The following CCNA1 variants were observed in gnomAD, a reference collection of about 807,000 sequenced individuals.
CCNA1 encodes cyclin A1.
A neutral mutation model predicts 54.1 loss-of-function variants in CCNA1; 23 were observed. The observed-to-expected ratio is 0.42, with a 90% confidence interval of 0.31 to 0.60. The LOEUF (loss-of-function observed/expected upper bound fraction) is 0.60, where lower values mean the gene tolerates loss of function less well. Ranked by LOEUF, CCNA1 falls within the 20% of genes least tolerant of loss-of-function variation. CCNA1 has a pLI of 0.14. For synonymous variants in CCNA1, 208 were observed against 213.9 expected, an observed-to-expected ratio of 0.97 and a Z score of 0.24; for missense variants, 450 against 556.7, an observed-to-expected ratio of 0.81 and a Z score of 1.93.
chr13:36,432,968 T>A, intron 1 of CCNA1, 65 bp from the exon 2 acceptor site: 1 of 1,474,856 alleles, frequency 6.8e-7, no homozygotes, highest in Non-Finnish European at 9.3e-7. Flanking sequence ...AGGTTCGCTG[T>A]GTCCTTGGAG....
rs951643866 is a variant in CCNA1, at chr13:36,432,564, T to G, written c.-58T>G. On this transcript the variant is annotated 5_prime_UTR_variant, in exon 1 of 9. Coordinates refer to ENST00000255465, the MANE Select transcript of CCNA1 (RefSeq NM_003914.4). ...CCCGCTTTGGGGTCCAGGCAGGTTTTGGGGCCTCCTGTCTGGTGGGAGGAG... is the reference window on the plus strand; with the variant it reads ...CCCGCTTTGGGGTCCAGGCAGGTTTGGGGGCCTCCTGTCTGGTGGGAGGAG... 3.6e-6 allele frequency: 4 copies of G among 1,098,878 alleles called. No individual in the cohort carries two copies. The South Asian group carries it at 4.7e-5, about 13-fold the overall frequency. The allele number at this position is 1,098,878 out of a possible 1,614,324, so 68.1% of individuals were successfully genotyped here. A position where few individuals can be genotyped will look rare whatever the true frequency, so the allele number is the denominator to read the frequency against.
chr13:36,432,914 C>T lies in CCNA1; in HGVS notation c.109-119C>T, dbSNP rs1429563872. 1.1e-5 allele frequency: 11 copies of T among 1,043,180 alleles called. No individual in the cohort carries two copies. In the Admixed American group the frequency reaches 2.0e-4, roughly 19 times the overall value. The allele number at this position is 1,043,180 out of a possible 1,614,324, so 64.6% of individuals were successfully genotyped here. On this transcript the variant is annotated intron_variant, in intron 1 of 8. Coordinates refer to ENST00000255465, the MANE Select transcript of CCNA1 (RefSeq NM_003914.4). ...CAGCCCCAATAATTACTGGGAAGAT[C>T]AGCAATTGGTGTTAGTCCCATTGCT...
intron 2 of CCNA1, among the ~76,000 whole-genome samples, chr13:36,433,468 TC>T (rs2055759955): frequency 6.8e-6 from 1 of 146,080 alleles, no homozygotes; most frequent in African/African-American, 2.5e-5. Context: ...CTTTTCTTTC[TC>T]TTTCTTTCCT....
intron 4 of CCNA1, 60 bp from the exon 5 acceptor site, chr13:36,438,584 A>G: frequency 8.4e-7 from 1 of 1,189,140 alleles, no homozygotes; most frequent in Non-Finnish European, 1.2e-6. Context: ...TAGCAACTAT[A>G]TTGTGGAATG....
At chr13:36,439,940 G>A (rs1024735115) in intron 5 of CCNA1, 39 bp from the exon 6 acceptor site, 5 of 1,438,410 alleles carry the variant, frequency 3.5e-6, no homozygotes, top group Non-Finnish European at 3.9e-6. Context: ...TAGAGCCAAA[G>A]GTTCTAAGTT....
Position 36,438,624 on chromosome 13 carries a change from CA to C in CCNA1, c.670-16del. On this transcript the variant is annotated intron_variant, in intron 4 of 8. Coordinates refer to ENST00000255465, the MANE Select transcript of CCNA1 (RefSeq NM_003914.4). ...TTCTGAAATTGCAACTACTAAATAT[CA>C]AAACCTTTTCCCAATCAGATAAGGC... The C allele has an allele frequency of 1.3e-6, 2 of 1,587,652 alleles. No homozygotes were observed. Among genetic ancestry groups the C allele is most frequent in the Non-Finnish European group, 1.7e-6 (2 of 1,158,270 alleles).
At chr13:36,439,886 T>C (rs1197203715) in intron 5 of CCNA1, 93 bp from the exon 6 acceptor site, 9 of 750,774 alleles carry the variant, frequency 1.2e-5, no homozygotes, top group Non-Finnish European at 2.0e-5. Context: ...AAAGTAAGTC[T>C]GCAAGGGCCA....
At chr13:36,437,034 AG>A (rs1380385636) in intron 2 of CCNA1, among the ~76,000 whole-genome samples, 5 of 152,228 alleles carry the variant, frequency 3.3e-5, no homozygotes, top group Non-Finnish European at 5.9e-5. Flanking sequence ...ATAGAGAAAA[AG>A]GAGAAGTGAC....
intron 2 of CCNA1, among the ~76,000 whole-genome samples, chr13:36,435,408 C>G (rs1352480147): frequency 6.6e-6 from 1 of 152,216 alleles, no homozygotes; most frequent in Non-Finnish European, 1.5e-5. Context: ...TTCTCTGTCT[C>G]TAGTTCTTTT....
Position 36,438,100 on chromosome 13 carries a change from C to G in CCNA1, c.578C>G (p.Ser193Cys), listed in dbSNP as rs747163107. The G allele has an allele frequency of 3.2e-5, 52 of 1,613,176 alleles. No homozygotes were observed. Among genetic ancestry groups the G allele is most frequent in the Non-Finnish European group, 4.3e-5 (51 of 1,179,210 alleles). Residue 193 changes from serine to cysteine, a missense_variant, in exon 4 of 9, where the codon TCC becomes TGC. This residue lies in a region of CCNA1 where 103 missense variants were observed against 92.9 expected (regional missense o/e 1.11). Coordinates refer to ENST00000255465, the MANE Select transcript of CCNA1 (RefSeq NM_003914.4). ...ATGCTGGTAGATTCATCTCTCCTCTCCCAGTCTGAAGATATATCCAGTCTT... is the reference window on the plus strand; with the variant it reads ...ATGCTGGTAGATTCATCTCTCCTCTGCCAGTCTGAAGATATATCCAGTCTT...
rs17188012 is a variant in CCNA1 at position 36,441,105 on chromosome 13, C to G, written c.1099-13C>G. 0.092 allele frequency: 131,338 copies of G among 1,429,530 alleles called. 6,781 individuals are homozygous for G. Among genetic ancestry groups the G allele is most frequent in the Non-Finnish European group, 0.11 (110,294 of 1,022,722 alleles). 88.6% of individuals were successfully genotyped at this position (1,429,530 alleles called of 1,614,324 possible). A position where few individuals can be genotyped will look rare whatever the true frequency, so the allele number is the denominator to read the frequency against. Reference sequence around the variant, plus strand: ...ATTTCTAATTCCAATGTGTTTTCTTCTCTTGTGCTTAGTACGTAGCAGAGC... The same window carrying G: ...ATTTCTAATTCCAATGTGTTTTCTTGTCTTGTGCTTAGTACGTAGCAGAGC... On this transcript the variant is annotated splice_polypyrimidine_tract_variant and intron_variant, in intron 6 of 8. Coordinates refer to ENST00000255465, the MANE Select transcript of CCNA1 (RefSeq NM_003914.4).
chr13:36,432,485 T>A (rs529946723), upstream of CCNA1: 11 of 445,320 alleles, frequency 2.5e-5, no homozygotes, highest in Non-Finnish European at 4.5e-5. Context: ...GATCCTCCAG[T>A]GCACTTGCCA....
intron 2 of CCNA1, among the ~76,000 whole-genome samples, chr13:36,433,600 A>G (rs1175139963): frequency 7.4e-6 from 1 of 134,544 alleles, no homozygotes; most frequent in African/African-American, 2.9e-5. Flanking sequence ...GAGTGCAGTG[A>G]CGCGATCTCG....
intron 5 of CCNA1, 118 bp from the exon 6 acceptor site, chr13:36,439,861 T>C (rs964055355): frequency 1.6e-6 from 1 of 640,434 alleles, no homozygotes; most frequent in South Asian, 1.9e-5. Context: ...GGTATTTAAG[T>C]GGATATGTGG....
chr13:36,438,899 A>G, intron 5 of CCNA1, 32 bp downstream of exon 5: 1 of 1,499,384 alleles, frequency 6.7e-7, no homozygotes, highest in Non-Finnish European at 9.3e-7. Context: ...ATAATATGAA[A>G]CTATCACTTG....
intron 7 of CCNA1, 109 bp downstream of exon 7, chr13:36,441,340 C>A (rs2055872321): frequency 3.2e-6 from 2 of 624,312 alleles, no homozygotes; most frequent in South Asian, 1.9e-5. Context: ...TGACAGCAGA[C>A]CACAACATGC....
At chr13:36,434,833 C>CG (rs79122701) in intron 2 of CCNA1, among the ~76,000 whole-genome samples, 23,981 of 148,952 alleles carry the variant, frequency 0.16, 2,276 homozygotes, top group Non-Finnish European at 0.19. Flanking sequence ...GGTGCCCCCC[C>CG]CCCCGCGCCA....
chr13:36,433,473 C>A (rs928565373), intron 2 of CCNA1, among the ~76,000 whole-genome samples: 1 of 135,996 alleles, frequency 7.4e-6, no homozygotes, highest in South Asian at 2.4e-4. Flanking sequence ...CTTTCTCTTT[C>A]TTTCCTTCTT....
intron 2 of CCNA1, 105 bp from the exon 3 acceptor site, chr13:36,437,523 TA>T: frequency 9.0e-7 from 1 of 1,105,728 alleles, no homozygotes; most frequent in Non-Finnish European, 1.3e-6. Flanking sequence ...TTTTTCAGTT[TA>T]GAATGTATCT....
Sources: gnomAD v4.1 joint callset for allele counts (sites outside exome capture counted in the v4.1 genomes callset) on GRCh38, gnomAD v4.1.1 for gene constraint, gnomAD v4.1.1 regional missense constraint, MANE v1.5 for transcripts, NCBI Gene and HGNC (gene_info 2026-07-23, HGNC 2026-07-21) for gene names.